MAPK15: variants seen among roughly 807,000 people sequenced by gnomAD.
MAPK15 encodes the protein ERK-7.
A neutral mutation model predicts 60.8 loss-of-function variants in MAPK15; 61 were observed. The observed-to-expected ratio is 1.00, with a 90% CI of 0.82 to 1.24. The LOEUF is 1.24. Among genes scored for constraint, MAPK15 ranks in the 50% most tolerant of loss-of-function variants. MAPK15 has a pLI of 0.00. For missense variants in MAPK15, 808 were observed against 741.1 expected (o/e 1.09, Z -1.05); for synonymous variants, 356 against 319.9 (o/e 1.11, Z -1.21).
Position 143,720,257 on chromosome 8 carries a change from G to A in MAPK15, c.749G>A (p.Arg250His), listed in dbSNP as rs201691605. The A allele has an allele frequency of 1.0e-5, 16 of 1,588,564 alleles. No individual in the cohort carries two copies. The highest frequency in any genetic ancestry group is 9.4e-5 in the African/African-American group (7 of 74,652). ...CTCCTGGCTCTCGGCTCAGGCTGCC[G>A]TGCCTCTGTGCTGCACCAGCTGGGG... ...EDLLALGSGC[R>H]ASVLHQLGSR... Residue 250 changes from arginine to histidine, a missense_variant, in exon 8 of 14, where the codon CGT becomes CAT. Arg to His is a conservative substitution (Grantham distance 29). Transcript: ENST00000338033. This position sits in a 1 kb window ranked among gnomAD's most constrained non-coding sequence, Gnocchi z 4.6.
intron 5 of MAPK15, 22 bp from the exon 6 acceptor site, chr8:143,718,971 T>C (rs199545024): frequency 6.1e-4 from 971 of 1,601,522 alleles, no homozygotes; most frequent in South Asian, 8.8e-4. Context: ...CCCCGGGGCC[T>C]CAGCCTGCCT....
chr8:143,717,988 A>G, intron 2 of MAPK15, 59 bp from the exon 3 acceptor site: 1 of 1,611,682 alleles, frequency 6.2e-7, no homozygotes, highest in Non-Finnish European at 8.5e-7. Context: ...GGGTCCTCTC[A>G]GGACATGGGC....
intron 2 of MAPK15, 119 bp from the exon 3 acceptor site, chr8:143,717,928 C>G: frequency 6.6e-7 from 1 of 1,522,098 alleles, no homozygotes; most frequent in South Asian, 1.1e-5. Flanking sequence ...ACACTGCCCC[C>G]TTGCCACGCC....
Position 143,720,234 on chromosome 8 carries a change from C to CGG in MAPK15, c.726_727insGG (p.Leu243GlyfsTer52). The CGG allele has an allele frequency of 1.3e-6, 2 of 1,578,126 alleles. No homozygotes were observed. Among genetic ancestry groups the CGG allele is most frequent in the Middle Eastern group, 1.7e-4 (1 of 5,994 alleles). ...CACCACCTTCTGCTGCCCCAGACCT[C>CGG]CTGGCTCTCGGCTCAGGCTGCCGTG... On this transcript the variant is annotated frameshift_variant, in exon 8 of 14. Coordinates refer to ENST00000338033, the MANE Select transcript of MAPK15 (RefSeq NM_139021.3). LOFTEE classifies it high-confidence loss of function. The surrounding 1 kb of genome is among the most constrained non-coding windows in gnomAD (Gnocchi z 4.6).
intron 7 of MAPK15, 67 bp downstream of exon 7, chr8:143,719,549 C>T: frequency 6.4e-7 from 1 of 1,553,850 alleles, no homozygotes; most frequent in Non-Finnish European, 8.7e-7. Flanking sequence ...TGTGGGGAGA[C>T]AGCAGCTGAC....
At chr8:143,721,432 G>A (rs373839976) in intron 11 of MAPK15, 21 bp downstream of exon 11, 43 of 1,608,208 alleles carry the variant, frequency 2.7e-5, no homozygotes, top group Middle Eastern at 1.7e-4. Flanking sequence ...TTTGCTGGCC[G>A]CCCACGCGGA....
At chr8:143,718,328 C>T in intron 4 of MAPK15, 26 bp downstream of exon 4, 1 of 1,603,846 alleles carries the variant, frequency 6.2e-7, no homozygotes, top group Admixed American at 1.7e-5. Flanking sequence ...GCCAGCGCCC[C>T]AGCCCCACCT....
Position 143,720,833 on chromosome 8 carries a change from G to T in MAPK15, c.910G>T (p.Val304Leu). 1 of 1,612,344 alleles carries T rather than the reference G, an allele frequency of 6.2e-7. No homozygotes were observed. The highest frequency in any genetic ancestry group is 8.5e-7 in the Non-Finnish European group (1 of 1,179,706). The change falls in exon 9 of 14, where the codon GTG becomes TTG. Residue 304 changes from valine to leucine, a missense_variant. Coordinates refer to ENST00000338033, the MANE Select transcript of MAPK15 (RefSeq NM_139021.3). The surrounding 1 kb of genome is among the most constrained non-coding windows in gnomAD (Gnocchi z 4.6). Reference protein sequence around the residue: ...SATQALQHPYVQRFHCPSDEW... With the variant: ...SATQALQHPYLQRFHCPSDEW... ...GACCCAGGCACTGCAGCACCCCTAC[G>T]TGCAGAGGTGGGGGTGGGAGAGAGT...
chr8:143,721,767 A>G lies in MAPK15; in HGVS notation c.1345A>G (p.Arg449Gly), dbSNP rs1563752761. ...LTLSLVKPSG[R>G]GAAPSLTSQA... ...CCCTTCCCAGGTGAAGCCAAGCGGG[A>G]GGGGAGCTGCGCCCTCCCTGACCTC... The change falls in exon 13 of 14, where the codon AGG (arginine) becomes GGG (glycine). Residue 449 changes from arginine (R) to glycine (G), a missense_variant. Coordinates refer to ENST00000338033, the MANE Select transcript of MAPK15 (RefSeq NM_139021.3). 1 of 1,613,282 alleles carries G rather than the reference A, an allele frequency of 6.2e-7. No homozygotes were observed.
At chr8:143,716,571 G>A in intron 1 of MAPK15, 128 bp downstream of exon 1, 2 of 771,586 alleles carry the variant, frequency 2.6e-6, no homozygotes, top group Non-Finnish European at 1.9e-6. Context: ...CTCCTCCGTA[G>A]GCGGGAGAGG....
rs1554619491 is a variant in MAPK15 at position 143,720,620 on chromosome 8, G to A, written c.780-83G>A. 6.5e-7 allele frequency: 1 copy of A among 1,530,418 alleles called. No homozygotes were observed. The highest frequency in any genetic ancestry group is 2.1e-5 in the Admixed American group (1 of 48,166). The allele number at this position is 1,530,418 out of a possible 1,614,324, so 94.8% of individuals were successfully genotyped here. A position where few individuals can be genotyped will look rare whatever the true frequency, so the allele number is the denominator to read the frequency against. On this transcript the variant is annotated intron_variant, in intron 8 of 13. Transcript: ENST00000338033. This position sits in a 1 kb window ranked among gnomAD's most constrained non-coding sequence, Gnocchi z 4.6. ...GGACAGCAGGGTGGACCCCAGTTTG[G>A]AAGCTGAGCCCCCAGCCACGAACAT...
rs1349054790 is a variant in MAPK15, at chr8:143,721,754, G to T, written c.1332G>T (p.Val444=). The T allele has an allele frequency of 1.2e-6, 2 of 1,613,538 alleles. No homozygotes were observed. Among genetic ancestry groups the T allele is most frequent in the East Asian group, 4.5e-5 (2 of 44,872 alleles). ...KEAPPLTLSL[V]KPSGRGAAPS... is the part of the protein sequence containing the mutation. ...CCCTGTGACATGGCCCTTCCCAGGTGAAGCCAAGCGGGAGGGGAGCTGCGC... is the reference window on the plus strand; with the variant it reads ...CCCTGTGACATGGCCCTTCCCAGGTTAAGCCAAGCGGGAGGGGAGCTGCGC... Residue 444 remains valine, a splice_region_variant and synonymous_variant, in exon 13 of 14, where the codon GTG becomes GTT. Coordinates refer to ENST00000338033, the MANE Select transcript of MAPK15 (RefSeq NM_139021.3).
At position 143,720,612 on chromosome 8, in the gene MAPK15, C is replaced by T. The variant is rs782405380; in HGVS notation, c.780-91C>T. 8.1e-5 allele frequency: 124 copies of T among 1,523,624 alleles called. No individual in the cohort carries two copies. The highest frequency in any genetic ancestry group is 1.1e-4 in the Non-Finnish European group (123 of 1,132,396). The allele number at this position is 1,523,624 out of a possible 1,614,324, so 94.4% of individuals were successfully genotyped here. A position where few individuals can be genotyped will look rare whatever the true frequency, so the allele number is the denominator to read the frequency against. ...CCTAGACAGGACAGCAGGGTGGACC[C>T]CAGTTTGGAAGCTGAGCCCCCAGCC... On this transcript the variant is annotated intron_variant, in intron 8 of 13. Coordinates refer to ENST00000338033, the MANE Select transcript of MAPK15 (RefSeq NM_139021.3). The surrounding 1 kb of genome is among the most constrained non-coding windows in gnomAD (Gnocchi z 4.6).
chr8:143,720,986 C>T lies in MAPK15; in HGVS notation c.918-14C>T, dbSNP rs1554619604. 2.5e-6 allele frequency: 4 copies of T among 1,604,626 alleles called. No individual in the cohort carries two copies. The highest frequency in any genetic ancestry group is 8.5e-7 in the Non-Finnish European group (1 of 1,176,246). ...TGGCCGCAGCCCGGGCCCCACCTCC[C>T]TGGCTCCCTGCAGGTTCCACTGCCC... is the stretch of plus-strand genomic sequence containing the variant. On this transcript the variant is annotated splice_polypyrimidine_tract_variant and intron_variant, in intron 9 of 13. Transcript: ENST00000338033. The surrounding 1 kb of genome is among the most constrained non-coding windows in gnomAD (Gnocchi z 4.6).
rs1817927716 is a variant in MAPK15 at position 143,718,982 on chromosome 8, C to T, written c.418-11C>T. On this transcript the variant is annotated splice_polypyrimidine_tract_variant and intron_variant, in intron 5 of 13. Coordinates refer to ENST00000338033, the MANE Select transcript of MAPK15 (RefSeq NM_139021.3). Reference sequence around the variant, plus strand: ...CCAGCCCCGGGGCCTCAGCCTGCCTCCTCTCTGCAGCCGTCCAATGTGCTC... The same window carrying T: ...CCAGCCCCGGGGCCTCAGCCTGCCTTCTCTCTGCAGCCGTCCAATGTGCTC... 4 of 1,604,752 alleles carry T rather than the reference C, an allele frequency of 2.5e-6. No homozygotes were observed. The highest frequency in any genetic ancestry group is 1.3e-5 in the African/African-American group (1 of 74,746).
At position 143,720,586 on chromosome 8, in the gene MAPK15, A is replaced by G. The variant is rs180873166; in HGVS notation, c.780-117A>G. The G allele has an allele frequency of 1.4e-5, 21 of 1,498,294 alleles. No homozygotes were observed. Among genetic ancestry groups the G allele is most frequent in the African/African-American group, 2.8e-5 (2 of 71,546 alleles). 92.8% of individuals were successfully genotyped at this position (1,498,294 alleles called of 1,614,324 possible). On this transcript the variant is annotated intron_variant, in intron 8 of 13. Transcript: ENST00000338033. The surrounding 1 kb of genome is among the most constrained non-coding windows in gnomAD (Gnocchi z 4.6). ...CTGCAGGTCAGGCACAGGGGCATCT[A>G]CCTAGACAGGACAGCAGGGTGGACC...
rs782247153 is a variant in MAPK15 at position 143,721,260 on chromosome 8, C to G, written c.1053C>G (p.Gly351=). The G allele has an allele frequency of 6.2e-7, 1 of 1,612,476 alleles. No homozygotes were observed. The highest frequency in any genetic ancestry group is 2.2e-5 in the East Asian group (1 of 44,862). ...TCCTGGAGTGTGGAGGCAGCAGCGG[C>G]ACCTCGAGAGAGAAGGGCCCGGAGG... ...QMILECGGSS[G]TSREKGPEGV... Residue 351 remains glycine, a synonymous_variant, in exon 11 of 14, where the codon GGC becomes GGG. Coordinates refer to ENST00000338033, the MANE Select transcript of MAPK15 (RefSeq NM_139021.3).
At chr8:143,718,932 C>T in intron 5 of MAPK15, 27 bp downstream of exon 5, 1 of 1,598,284 alleles carries the variant, frequency 6.3e-7, no homozygotes, top group Non-Finnish European at 8.5e-7. Flanking sequence ...CCCGCTATGC[C>T]ACGTGGCCCG....
intron 4 of MAPK15, 48 bp from the exon 5 acceptor site, chr8:143,718,727 G>GTCCCCCCCCCCCCCC: frequency 1.9e-6 from 1 of 514,522 alleles, no homozygotes; most frequent in Non-Finnish European, 3.2e-6. Context: ...CCCCCAGGTT[G>GTCCCCCCCCCCCCCC]CCCCCCCAGC....
Sources: gnomAD v4.1 joint callset for allele counts on GRCh38, gnomAD v4.1.1 for gene constraint, Gnocchi (gnomAD v3.1) non-coding constraint, MANE v1.5 for transcripts, NCBI Gene and HGNC (gene_info 2026-07-23, HGNC 2026-07-21) for gene names.